The following IFRD1 variants were observed in gnomAD, a reference collection of about 807,000 sequenced individuals.
IFRD1 encodes the protein interferon-related developmental regulator 1.
Under a neutral mutation model 52.9 loss-of-function variants are expected in IFRD1, and 35 were observed. The ratio of observed to expected loss-of-function variants is 0.66; its 90% CI spans 0.51 to 0.88. The LOEUF is 0.88. IFRD1 is among the 40% of genes least tolerant of loss of function. The pLI, the probability that IFRD1 is intolerant of heterozygous loss-of-function variation, is 0.00. For synonymous variants in IFRD1, 184 were observed against 188.4 expected, an observed-to-expected ratio of 0.98 and a Z score of 0.19; for missense variants, 517 against 550.8, an observed-to-expected ratio of 0.94 and a Z score of 0.61.
chr7:112,466,550 A>G (rs1795614396), intron 8 of IFRD1, among the ~76,000 whole-genome samples: 1 of 152,116 alleles, frequency 6.6e-6, no homozygotes, highest in Admixed American at 6.6e-5. Context: ...CCCTTCTCCT[A>G]GTTGTGACAA....
intron 1 of IFRD1, among the ~76,000 whole-genome samples, chr7:112,432,684 T>G (rs541046626): frequency 1.3e-5 from 2 of 152,306 alleles, no homozygotes; most frequent in East Asian, 3.9e-4. Context: ...TGGACACACA[T>G]CAGCCTGGCT....
At chr7:112,473,371 C>G (rs1429791697) in intron 11 of IFRD1, among the ~76,000 whole-genome samples, 2 of 151,508 alleles carry the variant, frequency 1.3e-5, no homozygotes, top group African/African-American at 4.9e-5. Context: ...ACTCGTTTTA[C>G]AAATGAGGAA....
At chr7:112,446,522 A>T (rs542787520), upstream of IFRD1, 1 of 152,594 alleles carries the variant, frequency 6.6e-6, no homozygotes, top group Admixed American at 6.5e-5. Flanking sequence ...GCCAAAAAAT[A>T]TTAAGTAGTG....
At chr7:112,459,684 TTTC>T (rs985303312) in intron 5 of IFRD1, among the ~76,000 whole-genome samples, 50 of 152,208 alleles carry the variant, frequency 3.3e-4, no homozygotes, top group African/African-American at 1.2e-3. Context: ...TAAAAATTTA[TTTC>T]TTCTTCTTAT....
upstream of IFRD1, chr7:112,450,303 G>T (rs1795118227): frequency 4.6e-6 from 1 of 217,646 alleles, no homozygotes; most frequent in South Asian, 5.3e-5. Flanking sequence ...CGGAAGACTG[G>T]CCGCATGGGA....
chr7:112,465,559 G>A (rs1795587877), intron 8 of IFRD1, among the ~76,000 whole-genome samples: 1 of 149,060 alleles, frequency 6.7e-6, no homozygotes, highest in African/African-American at 2.5e-5. Context: ...GTTCATAACA[G>A]TAAGATCTAT....
chr7:112,423,534 T>A (rs1794365366), intron 1 of IFRD1: 1 of 152,194 alleles, frequency 6.6e-6, no homozygotes, highest in African/African-American at 2.4e-5. Flanking sequence ...TAAGAGTCCA[T>A]GCTCTTAACC....
intron 1 of IFRD1, among the ~76,000 whole-genome samples, chr7:112,437,620 C>A (rs1342575605): frequency 6.6e-6 from 1 of 151,568 alleles, no homozygotes; most frequent in Non-Finnish European, 1.5e-5. Flanking sequence ...AGAAAATGTA[C>A]CTTTTAATCA....
intron 3 of IFRD1, 85 bp downstream of exon 3, chr7:112,456,171 T>A: frequency 2.5e-6 from 2 of 808,118 alleles, no homozygotes; most frequent in South Asian, 2.8e-5. Context: ...TCTGTGTGAT[T>A]CTAATCAGTT....
chr7:112,438,968 G>T (rs867028820), intron 1 of IFRD1, among the ~76,000 whole-genome samples: 22 of 152,060 alleles, frequency 1.4e-4, no homozygotes, highest in African/African-American at 4.1e-4. Flanking sequence ...AAGTTCTGAT[G>T]CCAATTAATA....
chr7:112,473,644 C>T (rs1158750106), intron 11 of IFRD1, among the ~76,000 whole-genome samples: 1 of 152,048 alleles, frequency 6.6e-6, no homozygotes, highest in Non-Finnish European at 1.5e-5. Flanking sequence ...AGGCTAGTCT[C>T]GAACTCCTGA....
At chr7:112,446,878 G>T (rs1433026317), upstream of IFRD1, among the ~76,000 whole-genome samples, 1 of 152,134 alleles carries the variant, frequency 6.6e-6, no homozygotes, top group Non-Finnish European at 1.5e-5. Context: ...TGAGAGTGGT[G>T]AGCTCAGAGA....
intron 8 of IFRD1, among the ~76,000 whole-genome samples, chr7:112,462,787 G>A (rs1381672972): frequency 6.6e-6 from 1 of 151,470 alleles, no homozygotes; most frequent in Admixed American, 6.6e-5. Context: ...GGGATGAGAT[G>A]GGTTCAGTAA....
At chr7:112,462,503 T>C (rs1483850944) in intron 8 of IFRD1, 125 bp downstream of exon 8, 7 of 730,818 alleles carry the variant, frequency 9.6e-6, no homozygotes, top group Admixed American at 2.0e-5. Context: ...AGTGATTTAT[T>C]TCCCTACTTC....
At position 112,472,231 on chromosome 7, in the gene IFRD1, C is replaced by G. The variant is rs1795768283; in HGVS notation, c.1054C>G (p.Pro352Ala). ...TTCCATTGGTTAGGAACGGGATTTT[C>G]CAACAGAAACCATTAAATTTGGTCC... ...VLRAVEERDF[P>A]TETIKFGPER... The change falls in exon 10 of 12, where the codon CCA becomes GCA. Residue 352 changes from proline to alanine, a missense_variant. By Grantham distance (27) the Pro-to-Ala change is conservative (BLOSUM62 -1). Transcript: ENST00000403825. The G allele has an allele frequency of 7.4e-6, 12 of 1,613,870 alleles. No homozygotes were observed. Among genetic ancestry groups the G allele is most frequent in the Admixed American group, 1.7e-5 (1 of 59,994 alleles).
At chr7:112,463,846 A>G (rs1795530170) in intron 8 of IFRD1, among the ~76,000 whole-genome samples, 1 of 93,698 alleles carries the variant, frequency 1.1e-5, no homozygotes, top group African/African-American at 4.6e-5. Flanking sequence ...ATATATACAC[A>G]TTTATATACA....
At chr7:112,469,622 G>C (rs370619414) in intron 9 of IFRD1, among the ~76,000 whole-genome samples, 2 of 152,060 alleles carry the variant, frequency 1.3e-5, no homozygotes, top group African/African-American at 4.8e-5. Context: ...GGATGGACCT[G>C]ATTTCAAGTT....
At chr7:112,425,403 T>C (rs894313968) in intron 1 of IFRD1, among the ~76,000 whole-genome samples, 13 of 152,224 alleles carry the variant, frequency 8.5e-5, no homozygotes, top group Non-Finnish European at 1.5e-4. Flanking sequence ...GCTGGGGTCC[T>C]AGCTGGCACA....
In IFRD1 at chr7:112,467,975, G is replaced by A; in HGVS notation, c.907-6G>A. ...TAAAGGAAACAAAATTGCTTTTCTTGTCCAGGACTTTTTTTATGAAGACAT... is the reference window on the plus strand; with the variant it reads ...TAAAGGAAACAAAATTGCTTTTCTTATCCAGGACTTTTTTTATGAAGACAT... On this transcript the variant is annotated splice_polypyrimidine_tract_variant and splice_region_variant and intron_variant, in intron 8 of 11. Transcript: ENST00000403825. 6.2e-7 allele frequency: 1 copy of A among 1,613,738 alleles called. No individual in the cohort carries two copies. The highest frequency in any genetic ancestry group is 2.2e-5 in the East Asian group (1 of 44,866).
Sources: allele counts gnomAD v4.1 joint callset (sites outside exome capture counted in the v4.1 genomes callset), GRCh38; gene constraint gnomAD v4.1.1; transcripts MANE v1.5; gene names NCBI Gene and HGNC (gene_info 2026-07-23, HGNC 2026-07-21).